Variants in SMCO4 observed in about 807,000 individuals in gnomAD.
SMCO4 encodes single-pass membrane and coiled-coil domain-containing protein 4.
A neutral mutation model predicts 3.6 loss-of-function variants in SMCO4; 4 were observed. That is an observed-to-expected ratio of 1.11 (90% CI 0.54 to 2.53). The LOEUF (loss-of-function observed/expected upper bound fraction) is 2.53, where lower values mean the gene tolerates loss of function less well. SMCO4 is among the 30% of genes most tolerant of loss of function. The pLI is 0.02. For missense variants in SMCO4, 70 were observed against 80.8 expected (o/e 0.87, Z 0.51); for synonymous variants, 36 against 35.3 (o/e 1.02, Z -0.07).
At chr11:93,521,628 C>T (rs759629235) in intron 1 of SMCO4, among the ~76,000 whole-genome samples, 124 of 152,172 alleles carry the variant, frequency 8.1e-4, no homozygotes, top group Non-Finnish European at 6.0e-4. Flanking sequence ...TTTCCTCATT[C>T]ATAAAGCAAG....
chr11:93,514,081 C>A (rs935559520), intron 1 of SMCO4, among the ~76,000 whole-genome samples: 1 of 152,056 alleles, frequency 6.6e-6, no homozygotes, highest in Non-Finnish European at 1.5e-5. Context: ...AGGTGCTCAA[C>A]AAGCATCTGC....
At chr11:93,516,642 T>C (rs1397160089) in intron 1 of SMCO4, among the ~76,000 whole-genome samples, 3 of 151,840 alleles carry the variant, frequency 2.0e-5, no homozygotes, top group Non-Finnish European at 4.4e-5. Flanking sequence ...ATACAAAAAT[T>C]AGCCAGCTGT....
chr11:93,507,222 T>C (rs1189782335), intron 1 of SMCO4, among the ~76,000 whole-genome samples: 3 of 152,086 alleles, frequency 2.0e-5, no homozygotes, highest in Non-Finnish European at 4.4e-5. Flanking sequence ...CTGAACAACA[T>C]GGTGAAACCC....
At chr11:93,479,801 A>G (rs549160583) in intron 2 of SMCO4, among the ~76,000 whole-genome samples, 8 of 152,230 alleles carry the variant, frequency 5.3e-5, no homozygotes, top group African/African-American at 1.9e-4. Flanking sequence ...TCCTTGGCCC[A>G]TTCATCCAAA....
chr11:93,546,191 T>G (rs1949314789), upstream of SMCO4, among the ~76,000 whole-genome samples: 1 of 152,252 alleles, frequency 6.6e-6, no homozygotes, highest in Non-Finnish European at 1.5e-5. Context: ...TCAGTACTCT[T>G]GCTAGCGTTT....
chr11:93,521,167 C>G (rs1381142839), intron 1 of SMCO4, among the ~76,000 whole-genome samples: 2 of 152,170 alleles, frequency 1.3e-5, no homozygotes, highest in Non-Finnish European at 2.9e-5. Context: ...ATGCACACAC[C>G]TGCTCTGTTG....
At chr11:93,532,292 A>G (rs1949170688) in intron 1 of SMCO4, among the ~76,000 whole-genome samples, 1 of 152,246 alleles carries the variant, frequency 6.6e-6, no homozygotes, top group Admixed American at 6.5e-5. Flanking sequence ...AAAGATATCC[A>G]GATAGCTAGT....
chr11:93,553,832 A>G, the SMCO4 span, among the ~76,000 whole-genome samples: 1 of 152,222 alleles, frequency 6.6e-6, no homozygotes, highest in South Asian at 2.1e-4. Context: ...CCTCTTAGGA[A>G]AATCTTGGTA....
chr11:93,498,131 A>T (rs1312854654), intron 2 of SMCO4, among the ~76,000 whole-genome samples: 2 of 152,206 alleles, frequency 1.3e-5, no homozygotes, highest in Admixed American at 6.5e-5. Flanking sequence ...AAACCCAGAC[A>T]ACAATGTGCA....
At chr11:93,543,233 C>A in intron 1 of SMCO4, 43 bp downstream of exon 1, 1 of 144,950 alleles carries the variant, frequency 6.9e-6, no homozygotes, top group South Asian at 1.9e-4. Flanking sequence ...CCCGCCGGCT[C>A]GCCCGCCCCG....
At chr11:93,509,675 G>T (rs1448127547) in intron 1 of SMCO4, among the ~76,000 whole-genome samples, 1 of 152,166 alleles carries the variant, frequency 6.6e-6, no homozygotes, top group African/African-American at 2.4e-5. Flanking sequence ...CAGCAACCTG[G>T]ACGGAACTGG....
chr11:93,546,741 A>G (rs1020911054), upstream of SMCO4, among the ~76,000 whole-genome samples: 1 of 152,196 alleles, frequency 6.6e-6, no homozygotes, highest in Admixed American at 6.5e-5. Context: ...CCCATGCTCA[A>G]AATATGTCTG....
At chr11:93,494,085 C>T (rs1205429126) in intron 2 of SMCO4, among the ~76,000 whole-genome samples, 1 of 152,156 alleles carries the variant, frequency 6.6e-6, no homozygotes, top group East Asian at 1.9e-4. Context: ...TGCAAACACT[C>T]CTGAGTCCTT....
chr11:93,535,597 G>T, intron 1 of SMCO4: 1 of 1,539,964 alleles, frequency 6.5e-7, no homozygotes, highest in Non-Finnish European at 9.0e-7. Context: ...TCCAAAGAAA[G>T]GTACTGTGGA....
intron 1 of SMCO4, among the ~76,000 whole-genome samples, chr11:93,523,573 C>T (rs1167364509): frequency 1.3e-5 from 2 of 152,052 alleles, no homozygotes; most frequent in Non-Finnish European, 1.5e-5. Flanking sequence ...ACAGGAGAAT[C>T]GCCTGAGCCT....
chr11:93,538,378 T>C (rs1447279048), intron 1 of SMCO4, among the ~76,000 whole-genome samples: 3 of 152,144 alleles, frequency 2.0e-5, no homozygotes, highest in Non-Finnish European at 4.4e-5. Context: ...GACCAAACCC[T>C]GGTGGGTCCC....
chr11:93,552,664 G>C, the SMCO4 span, among the ~76,000 whole-genome samples: 14 of 150,942 alleles, frequency 9.3e-5, no homozygotes, highest in Admixed American at 9.3e-4. Context: ...TAGAGACAGG[G>C]TTTCACCATG....
intron 1 of SMCO4, among the ~76,000 whole-genome samples, chr11:93,528,581 T>C (rs760824249): frequency 1.1e-4 from 16 of 152,154 alleles, no homozygotes; most frequent in Non-Finnish European, 1.8e-4. Context: ...GGATAAAAAG[T>C]TCATGTTCCC....
upstream of SMCO4, among the ~76,000 whole-genome samples, chr11:93,544,695 A>G (rs1472913956): frequency 6.6e-6 from 1 of 152,016 alleles, no homozygotes; most frequent in African/African-American, 2.4e-5. Flanking sequence ...GCAGCAATGC[A>G]GTAGAGTGGG....
Sources: allele counts gnomAD v4.1 joint callset (sites outside exome capture counted in the v4.1 genomes callset), GRCh38; gene constraint gnomAD v4.1.1; transcripts MANE v1.5; gene names NCBI Gene and HGNC (gene_info 2026-07-23, HGNC 2026-07-21).